Variants in DECR1 observed in about 807,000 individuals in gnomAD.
DECR1 encodes 2,4-dienoyl-CoA reductase [(3E)-enoyl-CoA-producing], mitochondrial.
Under a neutral mutation model 38.8 loss-of-function variants are expected in DECR1, and 44 were observed. The ratio of observed to expected loss-of-function variants is 1.13; its 90% CI spans 0.89 to 1.46. DECR1 has a LOEUF of 1.46. Among genes scored for constraint, DECR1 ranks in the 40% most tolerant of loss-of-function variants. The pLI is 0.00. For missense variants in DECR1, 428 were observed against 405.5 expected, an observed-to-expected ratio of 1.06 and a Z score of -0.48; for synonymous variants, 148 against 135.2, an observed-to-expected ratio of 1.09 and a Z score of -0.66.
chr8:90,044,773 TAC>T, intron 7 of DECR1, 74 bp from the exon 8 acceptor site: 1 of 1,484,112 alleles, frequency 6.7e-7, no homozygotes, highest in Non-Finnish European at 9.1e-7. Flanking sequence ...TGCCATTTTA[TAC>T]ACATTTTTTC....
chr8:90,042,659 C>A, intron 6 of DECR1, 69 bp from the exon 7 acceptor site: 2 of 1,326,748 alleles, frequency 1.5e-6, no homozygotes, highest in South Asian at 1.2e-5. Context: ...TCTAGTGAGT[C>A]TCAGTTATTA....
chr8:90,045,956 C>T (rs751304950), intron 8 of DECR1, among the ~76,000 whole-genome samples: 1 of 152,190 alleles, frequency 6.6e-6, no homozygotes, highest in Admixed American at 6.5e-5. Flanking sequence ...CTCCAACAGA[C>T]CTGCAGCTCA....
At chr8:90,045,438 A>G (rs536243927) in intron 8 of DECR1, among the ~76,000 whole-genome samples, 1 of 152,276 alleles carries the variant, frequency 6.6e-6, no homozygotes, top group South Asian at 2.1e-4. Flanking sequence ...CTGCTAGCAC[A>G]GCAGTCTGAA....
intron 8 of DECR1, among the ~76,000 whole-genome samples, chr8:90,045,581 G>A (rs1813877899): frequency 6.6e-6 from 1 of 152,208 alleles, no homozygotes; most frequent in Admixed American, 6.5e-5. Flanking sequence ...CTGCCTTCCT[G>A]CCTCTATAGA....
At chr8:90,033,608 T>C (rs1232717760) in intron 5 of DECR1, among the ~76,000 whole-genome samples, 1 of 152,184 alleles carries the variant, frequency 6.6e-6, no homozygotes, top group Non-Finnish European at 1.5e-5. Flanking sequence ...ATTGGAACAG[T>C]GCAGTTTCAA....
chr8:90,010,925 G>C (rs2130016973), intron 1 of DECR1, among the ~76,000 whole-genome samples: 1 of 152,064 alleles, frequency 6.6e-6, no homozygotes, highest in East Asian at 1.9e-4. Flanking sequence ...ATATGATTCA[G>C]TTTTCTGTTA....
intron 5 of DECR1, among the ~76,000 whole-genome samples, chr8:90,022,347 C>CTGTG (rs142005713): frequency 2.0e-5 from 3 of 151,762 alleles, no homozygotes; most frequent in African/African-American, 7.3e-5. Context: ...GGCACTAGCT[C>CTGTG]TGTGTGTGTG....
chr8:90,008,032 A>G (rs1812788022), intron 1 of DECR1, among the ~76,000 whole-genome samples: 1 of 152,232 alleles, frequency 6.6e-6, no homozygotes. Context: ...GGAATGATGA[A>G]ATGATGTTGC....
chr8:90,036,138 A>G lies in DECR1; in HGVS notation c.566-703A>G, dbSNP rs78249445. Among the ~76,000 whole-genome samples the G allele has an allele frequency of 8.0e-4, 122 of 152,268 alleles. No homozygotes were observed. In the East Asian group the frequency reaches 0.02, roughly 25 times the overall value. ...ACTCTTTGAGACTCCATGCAGCTTT[A>G]TGGAGTTCTATTAATATCTCTGCCT... On this transcript the variant is annotated intron_variant, in intron 5 of 9. Coordinates refer to ENST00000220764, the MANE Select transcript of DECR1 (RefSeq NM_001359.2).
At chr8:90,034,125 C>G (rs1418623199) in intron 5 of DECR1, among the ~76,000 whole-genome samples, 1 of 152,140 alleles carries the variant, frequency 6.6e-6, no homozygotes, top group African/African-American at 2.4e-5. Context: ...GCCCCCTCTT[C>G]CACCCCCGTG....
chr8:90,028,408 T>G (rs1385286806), intron 5 of DECR1, among the ~76,000 whole-genome samples: 1 of 152,156 alleles, frequency 6.6e-6, no homozygotes, highest in East Asian at 1.9e-4. Flanking sequence ...TTCTTGCATG[T>G]ATTTATTGAA....
chr8:90,012,071 G>T (rs527521030), intron 1 of DECR1, among the ~76,000 whole-genome samples: 3 of 151,778 alleles, frequency 2.0e-5, no homozygotes, highest in Non-Finnish European at 4.4e-5. Context: ...TTTGTGTGGA[G>T]TACCTTTCTA....
At chr8:90,047,922 T>G (rs1813954470) in intron 8 of DECR1, among the ~76,000 whole-genome samples, 14 of 152,200 alleles carry the variant, frequency 9.2e-5, no homozygotes, top group Admixed American at 9.2e-4. Context: ...AACAACCTGT[T>G]CCTGAATGAC....
chr8:90,022,889 A>G (rs911491485), intron 5 of DECR1, among the ~76,000 whole-genome samples: 7 of 152,066 alleles, frequency 4.6e-5, no homozygotes, highest in African/African-American at 1.7e-4. Context: ...TTTGTTCATC[A>G]CATTGGATTA....
intron 4 of DECR1, among the ~76,000 whole-genome samples, chr8:90,020,419 G>C (rs1175713273): frequency 6.6e-6 from 1 of 151,848 alleles, no homozygotes; most frequent in Non-Finnish European, 1.5e-5. Context: ...ACAGAGTCTT[G>C]CTCTGTCACT....
rs112440130 is a variant in DECR1 at position 90,036,744 on chromosome 8, C to A, written c.566-97C>A. 631 of 735,978 alleles carry A rather than the reference C, an allele frequency of 8.6e-4. 6 individuals carry two copies. Among genetic ancestry groups the A allele is most frequent in the African/African-American group, 7.9e-3 (448 of 56,620 alleles). 45.6% of individuals were successfully genotyped at this position (735,978 alleles called of 1,614,324 possible). On this transcript the variant is annotated intron_variant, in intron 5 of 9. Coordinates refer to ENST00000220764, the MANE Select transcript of DECR1 (RefSeq NM_001359.2). ...AAAAAATACTTTAGTTTTTCTTATA[C>A]CCTCTTTAATCAGATCCCATTTTTA...
At chr8:90,005,013 A>G (rs1812706277) in intron 1 of DECR1, among the ~76,000 whole-genome samples, 1 of 152,222 alleles carries the variant, frequency 6.6e-6, no homozygotes, top group Non-Finnish European at 1.5e-5. Context: ...AGGCAAGGAA[A>G]GCTTCATGGA....
rs1220451651 is a variant in DECR1 at position 90,021,018 on chromosome 8, C to T, written c.527C>T (p.Thr176Ile). ...GTTCTAAATGGCACAGCCTTCGTGA[C>T]ACTAGAAATTGGAAAACAACTAATT... The part of the protein sequence containing the change: ...DIVLNGTAFV[T>I]LEIGKQLIKA... Residue 176 changes from threonine (T) to isoleucine (I), a missense_variant, in exon 5 of 10, where the codon ACA (threonine) becomes ATA (isoleucine). Coordinates refer to ENST00000220764, the MANE Select transcript of DECR1 (RefSeq NM_001359.2). 2.5e-6 allele frequency: 4 copies of T among 1,592,252 alleles called. No homozygotes were observed. Among genetic ancestry groups the T allele is most frequent in the South Asian group, 1.2e-5 (1 of 86,126 alleles).
intron 5 of DECR1, among the ~76,000 whole-genome samples, chr8:90,031,900 G>A (rs975823073): frequency 6.6e-6 from 1 of 151,840 alleles, no homozygotes; most frequent in African/African-American, 2.4e-5. Context: ...GTTAAACAAG[G>A]ATTAAAAAAA....
Sources: allele counts gnomAD v4.1 joint callset (sites outside exome capture counted in the v4.1 genomes callset), GRCh38; gene constraint gnomAD v4.1.1; transcripts MANE v1.5; gene names NCBI Gene and HGNC (gene_info 2026-07-23, HGNC 2026-07-21).